The following ITGA9 variants were observed in gnomAD, a reference collection of about 807,000 sequenced individuals.
ITGA9 encodes integrin subunit alpha 9.
In ITGA9, 56 loss-of-function variants were observed where a neutral mutation model predicts 127.8. The observed-to-expected ratio is 0.44, with a 90% CI of 0.35 to 0.55. The LOEUF is 0.55. Ranked by LOEUF, ITGA9 falls within the 20% of genes least tolerant of loss-of-function variation. ITGA9 has a pLI of 0.00. For missense variants in ITGA9, 1,196 were observed against 1,347.1 expected (o/e 0.89, Z 1.76); for synonymous variants, 508 against 514.5 (o/e 0.99, Z 0.17).
At chr3:37,501,218 C>T (rs543915808) in intron 5 of ITGA9, among the ~76,000 whole-genome samples, 1 of 152,128 alleles carries the variant, frequency 6.6e-6, no homozygotes, top group East Asian at 1.9e-4. Flanking sequence ...AGTAGGGATT[C>T]CCTGTTGGGG....
At chr3:37,695,085 G>A (rs149682336) in intron 18 of ITGA9, among the ~76,000 whole-genome samples, 13 of 152,138 alleles carry the variant, frequency 8.5e-5, no homozygotes, top group Non-Finnish European at 1.5e-5. Context: ...TTACGCCAAG[G>A]TACTGTTCCA....
In ITGA9 at chr3:37,460,113, A is replaced by C. The variant is rs1579038709; in HGVS notation, c.185+7554A>C. ...GGGGCTGCTTTGTTACTATCCCCCCATCCACTCTGAGTTCTACTGGCTCCC... is the reference window on the plus strand; with the variant it reads ...GGGGCTGCTTTGTTACTATCCCCCCCTCCACTCTGAGTTCTACTGGCTCCC... On this transcript the variant is annotated intron_variant, in intron 1 of 27. Coordinates refer to ENST00000264741, the MANE Select transcript of ITGA9 (RefSeq NM_002207.3). Among the ~76,000 whole-genome samples, 7 of 152,000 alleles carry C rather than the reference A, an allele frequency of 4.6e-5. No homozygotes were observed. In the South Asian group the frequency reaches 1.5e-3, roughly 32 times the overall value.
intron 5 of ITGA9, among the ~76,000 whole-genome samples, chr3:37,498,465 G>GCTCC (rs1559521009): frequency 0.013 from 1,963 of 152,340 alleles, 38 homozygotes; most frequent in African/African-American, 0.044. Context: ...GCTGAGTGGA[G>GCTCC]GCAGGGAGTG....
At chr3:37,803,141 T>C (rs1697253955) in intron 26 of ITGA9, among the ~76,000 whole-genome samples, 1 of 152,196 alleles carries the variant, frequency 6.6e-6, no homozygotes, top group Non-Finnish European at 1.5e-5. Context: ...CTGCCTTACA[T>C]GCAGAGCACT....
chr3:37,804,828 CTAACA>C (rs751461110), intron 27 of ITGA9, among the ~76,000 whole-genome samples: 4 of 152,062 alleles, frequency 2.6e-5, no homozygotes, highest in Admixed American at 6.6e-5. Flanking sequence ...ATGTATTGAC[CTAACA>C]TAACATATCA....
intron 17 of ITGA9, among the ~76,000 whole-genome samples, chr3:37,667,528 C>T (rs779737593): frequency 6.6e-5 from 10 of 152,210 alleles, no homozygotes; most frequent in African/African-American, 1.2e-4. Context: ...CTGGGAGTGA[C>T]GTGGGCCAAG....
intron 15 of ITGA9, among the ~76,000 whole-genome samples, chr3:37,627,217 C>G (rs1171114785): frequency 6.6e-6 from 1 of 152,200 alleles, no homozygotes; most frequent in Non-Finnish European, 1.5e-5. Context: ...GAATGTTTTC[C>G]TGAACACCAG....
intron 15 of ITGA9, among the ~76,000 whole-genome samples, chr3:37,561,985 C>T (rs1699495513): frequency 6.6e-6 from 1 of 152,184 alleles, no homozygotes; most frequent in South Asian, 2.1e-4. Context: ...ATAATGCTCC[C>T]CACCTGTATA....
intron 19 of ITGA9, 100 bp from the exon 20 acceptor site, chr3:37,736,804 G>T: frequency 1.2e-6 from 1 of 808,900 alleles, no homozygotes; most frequent in Admixed American, 1.9e-5. Context: ...AGCTTATCAT[G>T]CAAATGAGCT....
At chr3:37,477,776 C>A (rs1193362625) in intron 3 of ITGA9, among the ~76,000 whole-genome samples, 1 of 152,202 alleles carries the variant, frequency 6.6e-6, no homozygotes, top group African/African-American at 2.4e-5. Flanking sequence ...TTTCATCAGA[C>A]TTGCCAAGGC....
intron 1 of ITGA9, among the ~76,000 whole-genome samples, chr3:37,468,796 T>C (rs1374968013): frequency 6.6e-6 from 1 of 152,244 alleles, no homozygotes; most frequent in Admixed American, 6.5e-5. Flanking sequence ...AGATGATCTA[T>C]TTCATGATAC....
chr3:37,674,913 G>T (rs1009424776), intron 17 of ITGA9, among the ~76,000 whole-genome samples: 4 of 152,208 alleles, frequency 2.6e-5, no homozygotes, highest in African/African-American at 9.7e-5. Context: ...TTTGTCCAGA[G>T]CCTTGGGTCC....
chr3:37,633,949 G>A (rs1000652323), intron 16 of ITGA9, among the ~76,000 whole-genome samples: 14 of 152,080 alleles, frequency 9.2e-5, no homozygotes, highest in African/African-American at 3.4e-4. Flanking sequence ...AAAAATCGTA[G>A]GTTGAACCAT....
In ITGA9 at chr3:37,819,049, C is replaced by G; in HGVS notation, c.*60C>G. 1 of 1,247,932 alleles carries G rather than the reference C, an allele frequency of 8.0e-7. No homozygotes were observed. Among genetic ancestry groups the G allele is most frequent in the Middle Eastern group, 1.9e-4 (1 of 5,344 alleles). The allele number at this position is 1,247,932 out of a possible 1,614,324, so 77.3% of individuals were successfully genotyped here. On this transcript the variant is annotated 3_prime_UTR_variant, in exon 28 of 28. Coordinates refer to ENST00000264741, the MANE Select transcript of ITGA9 (RefSeq NM_002207.3). ...CTGTCATCCTTGGTCTTTGTATCTTCCATATTTGGAAGAAAAAAATCTTCT... is the reference window on the plus strand; with the variant it reads ...CTGTCATCCTTGGTCTTTGTATCTTGCATATTTGGAAGAAAAAAATCTTCT...
At chr3:37,643,272 G>A (rs1233824432) in intron 16 of ITGA9, among the ~76,000 whole-genome samples, 1 of 152,186 alleles carries the variant, frequency 6.6e-6, no homozygotes, top group East Asian at 1.9e-4. Context: ...TTCAAAGAGG[G>A]CACCATGGCA....
chr3:37,777,335 A>G (rs1575233028), intron 23 of ITGA9, 57 bp from the exon 24 acceptor site: 2 of 1,602,904 alleles, frequency 1.2e-6, no homozygotes, highest in East Asian at 4.5e-5. Flanking sequence ...AAGAGGCTCC[A>G]GCATCATGAT....
intron 18 of ITGA9, among the ~76,000 whole-genome samples, chr3:37,708,042 A>G (rs1701026968): frequency 1.3e-5 from 2 of 152,130 alleles, no homozygotes; most frequent in South Asian, 4.1e-4. Flanking sequence ...CCCCAAATCT[A>G]GTGGGCTTAA....
intron 15 of ITGA9, among the ~76,000 whole-genome samples, chr3:37,569,857 T>A (rs1699583957): frequency 1.3e-5 from 2 of 152,230 alleles, no homozygotes; most frequent in African/African-American, 4.8e-5. Flanking sequence ...AGTCCCATCC[T>A]CAAAGTATCT....
At chr3:37,678,652 G>C (rs990875903) in intron 17 of ITGA9, among the ~76,000 whole-genome samples, 3 of 152,124 alleles carry the variant, frequency 2.0e-5, no homozygotes, top group African/African-American at 7.2e-5. Context: ...AAAAGAAAAG[G>C]TCATGGTTTT....
Sources: gnomAD v4.1 joint callset for allele counts (sites outside exome capture counted in the v4.1 genomes callset) on GRCh38, gnomAD v4.1.1 for gene constraint, MANE v1.5 for transcripts, NCBI Gene and HGNC (gene_info 2026-07-23, HGNC 2026-07-21) for gene names.